TREH: variants seen among roughly 807,000 people sequenced by gnomAD.
The protein encoded by TREH is alpha,alpha-trehalose glucohydrolase.
Under a neutral mutation model 80.5 loss-of-function variants are expected in TREH, and 69 were observed. The ratio of observed to expected loss-of-function variants is 0.86; its 90% CI spans 0.71 to 1.05. The LOEUF is 1.05. Among genes scored for constraint, TREH ranks in the 50% least tolerant of loss-of-function variants. The pLI is 0.00. For synonymous variants in TREH, 309 were observed against 293.5 expected (o/e 1.05, Z -0.54); for missense variants, 716 against 718.8 (o/e 1.00, Z 0.04).
chr11:118,660,705 G>A lies in TREH; in HGVS notation c.936C>T (p.Leu312=), dbSNP rs782478622. 1.1e-5 allele frequency: 17 copies of A among 1,595,376 alleles called. No individual in the cohort carries two copies. In the South Asian group the frequency reaches 1.9e-4, roughly 18 times the overall value. ...EGDREALWAE[L]KAGAESGWDF... Reference sequence around the variant, plus strand: ...CCCAGCCAGACTCAGCCCCAGCCTTGAGCTCAGCCCACAGAGCCTCCCGGT... The same window carrying A: ...CCCAGCCAGACTCAGCCCCAGCCTTAAGCTCAGCCCACAGAGCCTCCCGGT... The change falls in exon 10 of 15, where the codon CTC becomes CTT. Residue 312 remains leucine, a synonymous_variant. Coordinates refer to ENST00000264029, the MANE Select transcript of TREH (RefSeq NM_007180.3).
chr11:118,661,520 G>A lies in TREH; in HGVS notation c.618-11C>T, dbSNP rs782489333. On this transcript the variant is annotated splice_polypyrimidine_tract_variant and intron_variant, in intron 6 of 14. Transcript: ENST00000264029. This position sits in a 1 kb window ranked among gnomAD's most constrained non-coding sequence, Gnocchi z 4.2. Reference sequence around the variant, plus strand: ...GGGACATGCCCATAGCTGCCAAGGGGAAGGCCTGCTGAGATGCCCTCTCCC... The same window carrying A: ...GGGACATGCCCATAGCTGCCAAGGGAAAGGCCTGCTGAGATGCCCTCTCCC... 1.2e-6 allele frequency: 2 copies of A among 1,613,162 alleles called. No homozygotes were observed. The highest frequency in any genetic ancestry group is 1.7e-6 in the Non-Finnish European group (2 of 1,179,486).
rs377366356 is a variant in TREH, at chr11:118,663,146, T to A, written c.241A>T (p.Ile81Phe). The A allele has an allele frequency of 1.2e-5, 19 of 1,613,712 alleles. No homozygotes were observed. The highest frequency in any genetic ancestry group is 1.6e-5 in the Non-Finnish European group (19 of 1,179,810). The change falls in exon 3 of 15, where the codon ATC becomes TTC. Residue 81 changes from isoleucine to phenylalanine, a missense_variant. Coordinates refer to ENST00000264029, the MANE Select transcript of TREH (RefSeq NM_007180.3). ...AACGCCTGCAGCTGCTCCCTGGGGATGCTGTGATTGTGGTCCCTGGACAGC... is the reference window on the plus strand; with the variant it reads ...AACGCCTGCAGCTGCTCCCTGGGGAAGCTGTGATTGTGGTCCCTGGACAGC... ...TELSRDHNHSIPREQLQAFVH... is the reference protein window; with the variant it reads ...TELSRDHNHSFPREQLQAFVH...
At chr11:118,660,050 G>T in intron 10 of TREH, 86 bp from the exon 11 acceptor site, 1 of 1,278,346 alleles carries the variant, frequency 7.8e-7, no homozygotes, top group Non-Finnish European at 1.1e-6. Flanking sequence ...TAGCCTCCCC[G>T]CTTTGTGTTT....
intron 1 of TREH, among the ~76,000 whole-genome samples, chr11:118,670,145 G>A (rs1555146089): frequency 6.6e-6 from 1 of 152,100 alleles, no homozygotes; most frequent in Non-Finnish European, 1.5e-5. Flanking sequence ...AGATTGGGAG[G>A]TCAGGCTGAT....
At chr11:118,662,045 T>C in intron 4 of TREH, 55 bp from the exon 5 acceptor site, 1 of 1,420,966 alleles carries the variant, frequency 7.0e-7, no homozygotes. Flanking sequence ...AAGCAGAGGC[T>C]ACAGGCAGCT....
At chr11:118,678,473 C>T (rs1949502139) in intron 1 of TREH, among the ~76,000 whole-genome samples, 2 of 152,012 alleles carry the variant, frequency 1.3e-5, no homozygotes, top group Non-Finnish European at 2.9e-5. Context: ...AAGCGACTCT[C>T]CTGCCTCAGC....
chr11:118,667,920 A>G (rs1949393349), intron 1 of TREH, among the ~76,000 whole-genome samples: 1 of 151,926 alleles, frequency 6.6e-6, no homozygotes, highest in Non-Finnish European at 1.5e-5. Flanking sequence ...GCTGGAGTGC[A>G]GTGGCTCCAT....
intron 1 of TREH, among the ~76,000 whole-genome samples, chr11:118,673,503 T>C (rs1297303126): frequency 6.6e-6 from 1 of 152,218 alleles, no homozygotes; most frequent in Non-Finnish European, 1.5e-5. Flanking sequence ...AAAACAGGAC[T>C]AAGTCTAAAT....
At chr11:118,662,120 A>G (rs1949330710) in intron 4 of TREH, 130 bp from the exon 5 acceptor site, 5 of 690,232 alleles carry the variant, frequency 7.2e-6, no homozygotes, top group East Asian at 2.7e-5. Flanking sequence ...CGCTGGCTCC[A>G]CTGCTACTCA....
At chr11:118,665,045 G>T (rs1412242798) in intron 1 of TREH, among the ~76,000 whole-genome samples, 3 of 151,702 alleles carry the variant, frequency 2.0e-5, no homozygotes, top group Non-Finnish European at 4.4e-5. Flanking sequence ...GGAGGTGGAG[G>T]TTGCAATGAA....
chr11:118,679,255 C>T (rs660489), intron 1 of TREH, among the ~76,000 whole-genome samples: 1 of 151,728 alleles, frequency 6.6e-6, no homozygotes, highest in Non-Finnish European at 1.5e-5. Context: ...GAGAATCTCT[C>T]GAACCCGGGA....
chr11:118,660,943 G>A, intron 8 of TREH, 28 bp from the exon 9 acceptor site: 2 of 1,563,302 alleles, frequency 1.3e-6, no homozygotes, highest in Non-Finnish European at 1.7e-6. Context: ...TGGGCAGCCT[G>A]GCACTAGTAG....
chr11:118,678,873 G>A (rs507080), intron 1 of TREH, among the ~76,000 whole-genome samples: 53,192 of 151,992 alleles, frequency 0.35, 9,619 homozygotes, highest in Admixed American at 0.48. Context: ...TGAGGGTCAG[G>A]GCTCAAGCCC....
intron 1 of TREH, among the ~76,000 whole-genome samples, chr11:118,666,745 C>A (rs1403491724): frequency 1.3e-5 from 2 of 152,178 alleles, no homozygotes; most frequent in African/African-American, 4.8e-5. Flanking sequence ...AGAAAGGTCT[C>A]CAGTTAAAAT....
At chr11:118,662,645 G>A in intron 4 of TREH, 1 of 538,128 alleles carries the variant, frequency 1.9e-6, no homozygotes, top group Non-Finnish European at 3.3e-6. Context: ...GCAGGCTAGG[G>A]TTTCCTGGGG....
chr11:118,658,428 C>G lies in TREH; in HGVS notation c.1613G>C (p.Trp538Ser). 6.2e-7 allele frequency: 1 copy of G among 1,611,076 alleles called. No individual in the cohort carries two copies. Among genetic ancestry groups the G allele is most frequent in the Non-Finnish European group, 8.5e-7 (1 of 1,179,382 alleles). Residue 538 changes from tryptophan (W) to serine (S), a missense_variant, in exon 15 of 15, where the codon TGG (tryptophan) becomes TCG (serine). By Grantham distance (177) the Trp-to-Ser change is radical (BLOSUM62 -3). Transcript: ENST00000264029. ...GEYEVQEGFG[W>S]TNGVVLMLLD... ...CAGCATCAGGACCACGCCATTCGTC[C>G]AGCCAAATCCCTCCTGGGAGAGGCA...
Position 118,679,621 on chromosome 11 carries a change from C to T in TREH, c.7G>A (p.Gly3Arg), listed in dbSNP as rs1555147256. Residue 3 changes from glycine (G) to arginine (R), a missense_variant, in exon 1 of 15, where the codon GGG (glycine) becomes AGG (arginine). Coordinates refer to ENST00000264029, the MANE Select transcript of TREH (RefSeq NM_007180.3). ...AGCAGGCACAGCTCCCAGGTCCTCC[C>T]TGGCATGGTGGCTGTGACTGTGACT... is the stretch of plus-strand genomic sequence containing the variant. The part of the protein sequence containing the change: MP[G>R]RTWELCLLLL... 6.6e-7 allele frequency: 1 copy of T among 1,526,018 alleles called. No homozygotes were observed. Among genetic ancestry groups the T allele is most frequent in the Non-Finnish European group, 8.8e-7 (1 of 1,132,686 alleles). The allele number at this position is 1,526,018 out of a possible 1,614,324, so 94.5% of individuals were successfully genotyped here.
At chr11:118,670,443 A>G (rs1370645415) in intron 1 of TREH, among the ~76,000 whole-genome samples, 1 of 152,262 alleles carries the variant, frequency 6.6e-6, no homozygotes, top group Non-Finnish European at 1.5e-5. Flanking sequence ...CATTTGGGAT[A>G]GCATTTTTAT....
chr11:118,671,514 CAAA>C (rs1241905600), intron 1 of TREH, among the ~76,000 whole-genome samples: 4 of 150,670 alleles, frequency 2.7e-5, no homozygotes, highest in Non-Finnish European at 5.9e-5. Flanking sequence ...AAATAAAAAA[CAAA>C]GAAGCATGCC....
Sources: allele counts gnomAD v4.1 joint callset (sites outside exome capture counted in the v4.1 genomes callset), GRCh38; gene constraint gnomAD v4.1.1; non-coding constraint Gnocchi (gnomAD v3.1); transcripts MANE v1.5; gene names NCBI Gene and HGNC (gene_info 2026-07-23, HGNC 2026-07-21).